Variants in CDH13 observed in about 807,000 individuals in gnomAD.
CDH13 encodes the protein cadherin-13.
A neutral mutation model predicts 63.8 loss-of-function variants in CDH13; 24 were observed. The ratio of observed to expected loss-of-function variants is 0.38; its 90% CI spans 0.27 to 0.53. The LOEUF is 0.53. Among genes scored for constraint, CDH13 ranks in the 20% least tolerant of loss-of-function variants. CDH13 has a pLI of 0.85. For missense variants in CDH13, 1,049 were observed against 903.1 expected (o/e 1.16, Z -2.07); for synonymous variants, 503 against 355.3 (o/e 1.42, Z -4.67).
intron 1 of CDH13, among the ~76,000 whole-genome samples, chr16:82,773,883 A>C (rs543596148): frequency 2.6e-5 from 4 of 151,954 alleles, no homozygotes; most frequent in Middle Eastern, 6.8e-3. Context: ...TCCCGGGTTC[A>C]AGCAATTCTC....
intron 1 of CDH13, among the ~76,000 whole-genome samples, chr16:82,660,405 A>C (rs1911793943): frequency 6.6e-6 from 1 of 151,948 alleles, no homozygotes; most frequent in African/African-American, 2.4e-5. Flanking sequence ...CATCTGCTGA[A>C]ACCACCCACT....
At chr16:83,580,728 C>G (rs1470058843) in intron 7 of CDH13, among the ~76,000 whole-genome samples, 2 of 152,058 alleles carry the variant, frequency 1.3e-5, no homozygotes, top group Non-Finnish European at 2.9e-5. Context: ...AACTCCTGAG[C>G]TCAGGTGATT....
chr16:83,085,313 C>A (rs1015211633), intron 3 of CDH13, among the ~76,000 whole-genome samples: 19 of 151,948 alleles, frequency 1.3e-4, no homozygotes, highest in African/African-American at 4.4e-4. Flanking sequence ...AAAGACCAGC[C>A]CCCAGGATTC....
intron 7 of CDH13, among the ~76,000 whole-genome samples, chr16:83,575,591 C>T (rs1200274819): frequency 6.6e-6 from 1 of 152,178 alleles, no homozygotes; most frequent in East Asian, 1.9e-4. Context: ...GGCCTTTGCA[C>T]ATGCTATTCA....
chr16:83,047,955 T>C lies in CDH13; in HGVS notation c.366+15737T>C, dbSNP rs1394766929. On this transcript the variant is annotated intron_variant, in intron 3 of 13. Coordinates refer to ENST00000567109, the MANE Select transcript of CDH13 (RefSeq NM_001257.5). This position sits in a 1 kb window ranked among gnomAD's most constrained non-coding sequence, Gnocchi z 4.9. ...ACATCTAGAATATTTTGGAGACATA[T>C]TTTTGCACTCAGACTCCTCAAAAAA... Among the ~76,000 whole-genome samples the C allele has an allele frequency of 6.6e-6, 1 of 152,212 alleles. No homozygotes were observed. Among genetic ancestry groups the C allele is most frequent in the African/African-American group, 2.4e-5 (1 of 41,454 alleles).
chr16:82,977,053 A>G (rs531700257), intron 2 of CDH13, among the ~76,000 whole-genome samples: 1 of 152,300 alleles, frequency 6.6e-6, no homozygotes, highest in East Asian at 1.9e-4. Flanking sequence ...ATTTCCTCTT[A>G]TAGAATTTTT....
intron 1 of CDH13, among the ~76,000 whole-genome samples, chr16:82,804,098 C>T (rs778412394): frequency 1.7e-4 from 25 of 145,502 alleles, no homozygotes; most frequent in African/African-American, 5.0e-4. Flanking sequence ...CGTGGTGGTG[C>T]GCGCCTGTAG....
At chr16:83,325,867 G>A (rs1187703338) in intron 5 of CDH13, among the ~76,000 whole-genome samples, 1 of 152,158 alleles carries the variant, frequency 6.6e-6, no homozygotes, top group Non-Finnish European at 1.5e-5. Flanking sequence ...GCCTTCGGCT[G>A]TGTTAAATTA....
At chr16:82,972,992 T>C (rs1597332606) in intron 2 of CDH13, among the ~76,000 whole-genome samples, 1 of 152,220 alleles carries the variant, frequency 6.6e-6, no homozygotes, top group East Asian at 1.9e-4. Context: ...TGTTCTGGAG[T>C]CTCGACCCAG....
At chr16:83,282,583 A>G (rs930574538) in intron 5 of CDH13, among the ~76,000 whole-genome samples, 1 of 152,232 alleles carries the variant, frequency 6.6e-6, no homozygotes, top group Non-Finnish European at 1.5e-5. Flanking sequence ...AAGTGACAAC[A>G]GGACAGAAAA....
intron 5 of CDH13, among the ~76,000 whole-genome samples, chr16:83,289,186 G>T (rs1034445545): frequency 3.5e-5 from 5 of 141,974 alleles, no homozygotes; most frequent in African/African-American, 1.5e-4. Context: ...GTCTGCATAT[G>T]AATGTGCGTG....
intron 2 of CDH13, among the ~76,000 whole-genome samples, chr16:82,949,735 C>T (rs1352570858): frequency 6.6e-6 from 1 of 152,058 alleles, no homozygotes; most frequent in Non-Finnish European, 1.5e-5. Flanking sequence ...AAAGAATGTT[C>T]TCTAGTTACC....
chr16:83,415,064 T>A (rs1268743941), intron 6 of CDH13, among the ~76,000 whole-genome samples: 1 of 150,868 alleles, frequency 6.6e-6, no homozygotes, highest in Non-Finnish European at 1.5e-5. Context: ...TAAATAAAAT[T>A]AGAAATGAAA....
At chr16:82,671,897 C>G (rs1212040330) in intron 1 of CDH13, among the ~76,000 whole-genome samples, 1 of 152,180 alleles carries the variant, frequency 6.6e-6, no homozygotes, top group Non-Finnish European at 1.5e-5. Context: ...GAAGTGCCCC[C>G]TGCTGGCCAG....
intron 1 of CDH13, among the ~76,000 whole-genome samples, chr16:82,650,822 C>G (rs761340774): frequency 6.6e-6 from 1 of 152,184 alleles, no homozygotes; most frequent in Non-Finnish European, 1.5e-5. Context: ...ATCCGGTGAA[C>G]CTGGCAGCAT....
intron 3 of CDH13, among the ~76,000 whole-genome samples, chr16:83,123,558 C>T (rs375880568): frequency 1.8e-4 from 27 of 152,154 alleles, no homozygotes; most frequent in Admixed American, 1.8e-3. Flanking sequence ...GGATTACAGG[C>T]GTGAGCCACT....
At chr16:83,135,387 A>T (rs16959348) in intron 4 of CDH13, among the ~76,000 whole-genome samples, 1 of 152,170 alleles carries the variant, frequency 6.6e-6, no homozygotes, top group African/African-American at 2.4e-5. Flanking sequence ...CACTCACACA[A>T]ATGGTCATTT....
rs542039782 is a variant in CDH13, at chr16:83,592,221, T to C, written c.961-10233T>C. On this transcript the variant is annotated intron_variant, in intron 7 of 13. Coordinates refer to ENST00000567109, the MANE Select transcript of CDH13 (RefSeq NM_001257.5). ...AGTGCTCAATCAATGTCTGATGAATTAAATAAGCTCCATATAGCTTTCCTG... is the reference window on the plus strand; with the variant it reads ...AGTGCTCAATCAATGTCTGATGAATCAAATAAGCTCCATATAGCTTTCCTG... 2.0e-5 allele frequency among the ~76,000 whole-genome samples: 3 copies of C among 152,334 alleles called. No homozygotes were observed. In the East Asian group the frequency reaches 5.8e-4, roughly 29 times the overall value.
intron 2 of CDH13, among the ~76,000 whole-genome samples, chr16:83,019,263 T>C (rs2057228359): frequency 6.6e-6 from 1 of 152,188 alleles, no homozygotes; most frequent in South Asian, 2.1e-4. Flanking sequence ...TCTCTTTTTC[T>C]TTTTCACTTG....
Sources: allele counts gnomAD v4.1 joint callset (sites outside exome capture counted in the v4.1 genomes callset), GRCh38; gene constraint gnomAD v4.1.1; non-coding constraint Gnocchi (gnomAD v3.1); transcripts MANE v1.5; gene names NCBI Gene and HGNC (gene_info 2026-07-23, HGNC 2026-07-21).